Variants in GNA14 observed in about 807,000 individuals in gnomAD.
The protein encoded by GNA14 is G protein subunit alpha 14.
Under a neutral mutation model 42.0 loss-of-function variants are expected in GNA14, and 50 were observed. That is an observed-to-expected ratio of 1.19 (90% CI 0.95 to 1.51). The LOEUF is 1.51. Ranked by LOEUF, GNA14 falls within the 40% of genes most tolerant of loss-of-function variation. The probability of loss-of-function intolerance (pLI) is 0.00; values close to 1 mark genes in which losing one functional copy is unlikely to be tolerated. For missense variants in GNA14, 473 were observed against 446.2 expected (o/e 1.06, Z -0.54); for synonymous variants, 173 against 163.1 (o/e 1.06, Z -0.46).
At chr9:77,588,473 A>G (rs748428785) in intron 1 of GNA14, among the ~76,000 whole-genome samples, 2 of 152,194 alleles carry the variant, frequency 1.3e-5, no homozygotes, top group Non-Finnish European at 2.9e-5. Flanking sequence ...ATTTAGCACA[A>G]TGCTTTCCCC....
chr9:77,443,749 G>A (rs1212085117), intron 2 of GNA14, among the ~76,000 whole-genome samples: 1 of 152,170 alleles, frequency 6.6e-6, no homozygotes, highest in Admixed American at 6.5e-5. Context: ...CAAAGTGAGA[G>A]GATCACTTAA....
intron 1 of GNA14, among the ~76,000 whole-genome samples, chr9:77,576,067 A>T (rs1345471782): frequency 6.6e-6 from 1 of 152,226 alleles, no homozygotes; most frequent in Non-Finnish European, 1.5e-5. Context: ...TATAATATTA[A>T]CATATAAAAT....
intron 2 of GNA14, among the ~76,000 whole-genome samples, chr9:77,514,697 TC>T (rs1379149488): frequency 6.7e-6 from 1 of 149,428 alleles, no homozygotes; most frequent in Admixed American, 6.7e-5. Context: ...CACTGCAAGC[TC>T]CGCCTCCCGG....
intron 2 of GNA14, among the ~76,000 whole-genome samples, chr9:77,486,074 G>A (rs1351454538): frequency 1.3e-5 from 2 of 152,162 alleles, no homozygotes; most frequent in African/African-American, 2.4e-5. Context: ...TGAAAGTCCT[G>A]GATGTTGTCT....
intron 1 of GNA14, among the ~76,000 whole-genome samples, chr9:77,544,724 C>T (rs947040408): frequency 2.0e-5 from 3 of 149,998 alleles, no homozygotes; most frequent in African/African-American, 7.4e-5. Flanking sequence ...TCACTGTCAT[C>T]TCTAAGAGAA....
intron 2 of GNA14, among the ~76,000 whole-genome samples, chr9:77,458,838 G>A (rs1201559415): frequency 1.4e-5 from 2 of 147,298 alleles, no homozygotes; most frequent in Non-Finnish European, 3.0e-5. Context: ...TATCTCTACT[G>A]TGCTTTCCAG....
intron 2 of GNA14, among the ~76,000 whole-genome samples, chr9:77,520,333 T>C (rs1179271362): frequency 6.6e-6 from 1 of 152,128 alleles, no homozygotes; most frequent in East Asian, 1.9e-4. Flanking sequence ...GTTCAGAAAA[T>C]GCAATTCTGA....
chr9:77,488,783 TTAA>T (rs1340004305), intron 2 of GNA14, among the ~76,000 whole-genome samples: 3 of 41,862 alleles, frequency 7.2e-5, no homozygotes, highest in East Asian at 1.3e-3. Context: ...ACACACCTAA[TTAA>T]AAAAAAAAAA....
intron 1 of GNA14, among the ~76,000 whole-genome samples, chr9:77,606,007 A>G (rs1269302980): frequency 6.6e-6 from 1 of 152,182 alleles, no homozygotes; most frequent in African/African-American, 2.4e-5. Context: ...TTTCCTGTTA[A>G]TGGAGGGAAA....
chr9:77,494,822 T>TG (rs1836845687), intron 2 of GNA14, among the ~76,000 whole-genome samples: 1 of 151,894 alleles, frequency 6.6e-6, no homozygotes, highest in Admixed American at 6.6e-5. Context: ...TTTTTTGAGA[T>TG]GGAGTCTCGC....
intron 1 of GNA14, among the ~76,000 whole-genome samples, chr9:77,633,657 A>G (rs914925716): frequency 6.6e-6 from 1 of 152,220 alleles, no homozygotes; most frequent in Non-Finnish European, 1.5e-5. Context: ...GGATGGCAAG[A>G]AGCGGGCACA....
At chr9:77,481,232 G>A (rs1836547788) in intron 2 of GNA14, among the ~76,000 whole-genome samples, 1 of 152,198 alleles carries the variant, frequency 6.6e-6, no homozygotes, top group Non-Finnish European at 1.5e-5. Flanking sequence ...GTGTCCCAGA[G>A]ATTCTGGTGT....
intron 2 of GNA14, among the ~76,000 whole-genome samples, chr9:77,467,423 C>T (rs929745829): frequency 6.6e-6 from 1 of 151,544 alleles, no homozygotes; most frequent in African/African-American, 2.4e-5. Context: ...GCCTTGTGTA[C>T]ACCACGCTTC....
chr9:77,435,078 G>A (rs1835622560), intron 2 of GNA14, among the ~76,000 whole-genome samples: 1 of 150,000 alleles, frequency 6.7e-6, no homozygotes, highest in Admixed American at 6.7e-5. Context: ...AAAAACACTG[G>A]CCAGCTGCGG....
intron 1 of GNA14, among the ~76,000 whole-genome samples, chr9:77,586,311 G>T: frequency 6.6e-6 from 1 of 151,902 alleles, no homozygotes; most frequent in East Asian, 1.9e-4. Context: ...ACAACAAAAA[G>T]ATAACCAGCC....
At chr9:77,565,548 C>T (rs994438113) in intron 1 of GNA14, among the ~76,000 whole-genome samples, 2 of 152,144 alleles carry the variant, frequency 1.3e-5, no homozygotes, top group Non-Finnish European at 2.9e-5. Context: ...ACCTCTGCCT[C>T]CTGGGTTCAA....
chr9:77,647,839 C>T lies in GNA14; in HGVS notation c.-46G>A. 6.3e-7 allele frequency: 1 copy of T among 1,581,266 alleles called. No homozygotes were observed. The highest frequency in any genetic ancestry group is 1.8e-5 in the Admixed American group (1 of 56,852). ...CGACGGGGCGACGCGGCCCCGGGCA[C>T]CCGAATCCTCGGCCCGGCCGCTCAC... On this transcript the variant is annotated 5_prime_UTR_variant, in exon 1 of 7. In the 5' UTR this introduces an upstream ATG that the reference lacks. Transcript: ENST00000341700.
At chr9:77,484,534 T>A (rs533863612) in intron 2 of GNA14, among the ~76,000 whole-genome samples, 1 of 152,280 alleles carries the variant, frequency 6.6e-6, no homozygotes, top group African/African-American at 2.4e-5. Context: ...TAAAATTGTT[T>A]CCATTAGAAA....
At chr9:77,627,069 G>A (rs1481734388) in intron 1 of GNA14, among the ~76,000 whole-genome samples, 2 of 152,152 alleles carry the variant, frequency 1.3e-5, no homozygotes, top group African/African-American at 2.4e-5. Flanking sequence ...TGATCCCACA[G>A]AAATACAAAC....
Sources: gnomAD v4.1 joint callset for allele counts (sites outside exome capture counted in the v4.1 genomes callset) on GRCh38, gnomAD v4.1.1 for gene constraint, MANE v1.5 for transcripts, NCBI Gene and HGNC (gene_info 2026-07-23, HGNC 2026-07-21) for gene names.